AUTS2: variants seen among roughly 807,000 people sequenced by gnomAD.
AUTS2 encodes the protein activator of transcription and developmental regulator AUTS2.
A neutral mutation model predicts 112.4 loss-of-function variants in AUTS2; 17 were observed. The observed-to-expected ratio is 0.15, with a 90% confidence interval of 0.10 to 0.23. AUTS2 has a LOEUF of 0.23. Ranked by LOEUF, AUTS2 falls within the 10% of genes least tolerant of loss-of-function variation. AUTS2 has a pLI of 1.00. For synonymous variants in AUTS2, 751 were observed against 702.7 expected, an observed-to-expected ratio of 1.07 and a Z score of -1.09; for missense variants, 1,510 against 1,701.6, an observed-to-expected ratio of 0.89 and a Z score of 1.98.
intron 4 of AUTS2, among the ~76,000 whole-genome samples, chr7:70,178,025 C>T (rs1005951913): frequency 6.6e-6 from 1 of 151,662 alleles, no homozygotes; most frequent in African/African-American, 2.4e-5. Flanking sequence ...AAGCGATTCT[C>T]CTGCCTCAGC....
chr7:69,888,078 A>T (rs1020274382), intron 1 of AUTS2, among the ~76,000 whole-genome samples: 5 of 152,174 alleles, frequency 3.3e-5, no homozygotes, highest in African/African-American at 1.2e-4. Flanking sequence ...GGGGAGGCCA[A>T]GGCGGGAGGA....
chr7:69,817,330 A>G (rs1304265806), intron 1 of AUTS2, among the ~76,000 whole-genome samples: 2 of 152,100 alleles, frequency 1.3e-5, no homozygotes, highest in East Asian at 1.9e-4. Flanking sequence ...CTCTACCCCT[A>G]TTTGGTCACA....
intron 1 of AUTS2, among the ~76,000 whole-genome samples, chr7:69,855,343 A>G (rs1029424862): frequency 1.3e-5 from 2 of 152,196 alleles, no homozygotes; most frequent in African/African-American, 4.8e-5. Context: ...TTATTATTGG[A>G]CAGGCTAATA....
At chr7:69,874,204 G>A (rs1793625913) in intron 1 of AUTS2, among the ~76,000 whole-genome samples, 1 of 150,706 alleles carries the variant, frequency 6.6e-6, no homozygotes, top group African/African-American at 2.4e-5. Context: ...AGCAGCCTTG[G>A]CAACATAGTG....
At chr7:70,026,878 C>A (rs541905520) in intron 2 of AUTS2, among the ~76,000 whole-genome samples, 1 of 151,936 alleles carries the variant, frequency 6.6e-6, no homozygotes, top group South Asian at 2.1e-4. Context: ...GAAGCTTATT[C>A]GTGGTTAGTT....
intron 5 of AUTS2, among the ~76,000 whole-genome samples, chr7:70,521,766 C>T (rs1352564994): frequency 6.6e-6 from 1 of 152,088 alleles, no homozygotes; most frequent in Non-Finnish European, 1.5e-5. Flanking sequence ...AATAGCATGG[C>T]GTTTGTTATT....
intron 2 of AUTS2, among the ~76,000 whole-genome samples, chr7:69,930,911 C>T (rs1796201483): frequency 6.6e-6 from 1 of 151,998 alleles, no homozygotes; most frequent in African/African-American, 2.4e-5. Flanking sequence ...GTGCCCTATC[C>T]CAGTGCCATC....
At chr7:70,665,361 G>A (rs565342183) in intron 5 of AUTS2, among the ~76,000 whole-genome samples, 20 of 152,040 alleles carry the variant, frequency 1.3e-4, no homozygotes, top group East Asian at 9.7e-4. Context: ...CCTCCTGGGC[G>A]TAAGTGATCC....
At chr7:70,471,791 G>A (rs1194637220) in intron 5 of AUTS2, among the ~76,000 whole-genome samples, 1 of 152,152 alleles carries the variant, frequency 6.6e-6, no homozygotes, top group Non-Finnish European at 1.5e-5. Flanking sequence ...AAGGAGGTGA[G>A]ATGTGGATCC....
intron 1 of AUTS2, among the ~76,000 whole-genome samples, chr7:69,768,613 C>T (rs1788531730): frequency 6.6e-6 from 1 of 152,092 alleles, no homozygotes; most frequent in Non-Finnish European, 1.5e-5. Context: ...TAACTGATTC[C>T]TTGTACAAAA....
chr7:70,362,560 T>G (rs1792319135), intron 4 of AUTS2, among the ~76,000 whole-genome samples: 1 of 152,120 alleles, frequency 6.6e-6, no homozygotes, highest in Non-Finnish European at 1.5e-5. Flanking sequence ...GAAATTCATT[T>G]TAAGAAGTTG....
chr7:69,626,449 A>C (rs1249042435), intron 1 of AUTS2, among the ~76,000 whole-genome samples: 1 of 151,968 alleles, frequency 6.6e-6, no homozygotes, highest in Non-Finnish European at 1.5e-5. Context: ...TGTTGCTTTC[A>C]TGCCCACTGT....
chr7:70,639,484 T>C (rs1366707056), intron 5 of AUTS2, among the ~76,000 whole-genome samples: 1 of 151,306 alleles, frequency 6.6e-6, no homozygotes, highest in African/African-American at 2.4e-5. Flanking sequence ...AGGTGTGTGG[T>C]GCGTGCCTGT....
At chr7:70,037,523 A>G (rs914672968) in intron 2 of AUTS2, among the ~76,000 whole-genome samples, 2 of 152,166 alleles carry the variant, frequency 1.3e-5, no homozygotes, top group Non-Finnish European at 2.9e-5. Context: ...CCACAATAAA[A>G]TGTATTAATA....
chr7:69,826,355 T>C (rs1791244320), intron 1 of AUTS2, among the ~76,000 whole-genome samples: 1 of 152,222 alleles, frequency 6.6e-6, no homozygotes, highest in Admixed American at 6.5e-5. Flanking sequence ...GTGACCTGCC[T>C]AAGGTGATAG....
At chr7:70,276,359 CTAAAG>C (rs1481526370) in intron 4 of AUTS2, among the ~76,000 whole-genome samples, 1 of 150,334 alleles carries the variant, frequency 6.7e-6, no homozygotes, top group Non-Finnish European at 1.5e-5. Flanking sequence ...TTTTTTTTCT[CTAAAG>C]TAAATTTTGT....
intron 4 of AUTS2, among the ~76,000 whole-genome samples, chr7:70,338,833 C>T (rs1010883449): frequency 7.1e-6 from 1 of 141,012 alleles, no homozygotes; most frequent in African/African-American, 2.6e-5. Context: ...AGCCTCATCT[C>T]TTATTTATTT....
intron 1 of AUTS2, among the ~76,000 whole-genome samples, chr7:69,738,166 G>T (rs534086907): frequency 1.3e-5 from 2 of 152,046 alleles, no homozygotes; most frequent in South Asian, 2.1e-4. Context: ...ATGCAAGGGG[G>T]TCATTTGGGG....
chr7:69,674,774 G>A (rs1301862986), intron 1 of AUTS2, among the ~76,000 whole-genome samples: 1 of 152,096 alleles, frequency 6.6e-6, no homozygotes, highest in East Asian at 1.9e-4. Context: ...AGTTCCTCTG[G>A]TGTGGCCTGT....
Sources: allele counts gnomAD v4.1 joint callset (sites outside exome capture counted in the v4.1 genomes callset), GRCh38; gene constraint gnomAD v4.1.1; transcripts MANE v1.5; gene names NCBI Gene and HGNC (gene_info 2026-07-23, HGNC 2026-07-21).